Variants in CSMD1 observed in about 807,000 individuals in gnomAD.
CSMD1 encodes the protein CUB and Sushi multiple domains 1.
Under a neutral mutation model 417.5 loss-of-function variants are expected in CSMD1, and 213 were observed. That is an observed-to-expected ratio of 0.51 (90% CI 0.46 to 0.57). The LOEUF (loss-of-function observed/expected upper bound fraction) is 0.57. Among genes scored for constraint, CSMD1 ranks in the 20% least tolerant of loss-of-function variants. The probability of loss-of-function intolerance (pLI) is 0.00; values close to 1 mark genes in which losing one functional copy is unlikely to be tolerated. For synonymous variants in CSMD1, 2,862 were observed against 1,736.8 expected (o/e 1.65, Z -16.11); for missense variants, 6,923 against 4,529.7 (o/e 1.53, Z -15.17).
intron 10 of CSMD1, among the ~76,000 whole-genome samples, chr8:3,540,961 G>A (rs1350940665): frequency 2.0e-5 from 3 of 152,222 alleles, no homozygotes; most frequent in Non-Finnish European, 4.4e-5. Context: ...CATTGTGGAG[G>A]ACAGTGTGGT....
At chr8:4,061,752 T>G (rs777218938) in intron 3 of CSMD1, among the ~76,000 whole-genome samples, 1 of 152,190 alleles carries the variant, frequency 6.6e-6, no homozygotes, top group Non-Finnish European at 1.5e-5. Flanking sequence ...GTGAGTCACC[T>G]CTCTGCATGT....
chr8:3,414,582 G>C (rs73657862), intron 12 of CSMD1, among the ~76,000 whole-genome samples: 15,276 of 152,118 alleles, frequency 0.1, 953 homozygotes, highest in East Asian at 0.26. Context: ...AAACTCCAGT[G>C]CTAAGGATAA....
intron 3 of CSMD1, among the ~76,000 whole-genome samples, chr8:4,156,793 A>T (rs1796859388): frequency 6.6e-6 from 1 of 152,136 alleles, no homozygotes; most frequent in Non-Finnish European, 1.5e-5. Flanking sequence ...GAAGGGCCCA[A>T]ATTACAGATC....
chr8:4,880,841 A>G (rs1469204792), intron 1 of CSMD1, among the ~76,000 whole-genome samples: 1 of 152,112 alleles, frequency 6.6e-6, no homozygotes, highest in African/African-American at 2.4e-5. Context: ...TTGTCATGAA[A>G]GGTCCCTGAT....
At chr8:3,407,146 CATGG>C (rs1053958995) in intron 14 of CSMD1, among the ~76,000 whole-genome samples, 3 of 145,332 alleles carry the variant, frequency 2.1e-5, no homozygotes, top group African/African-American at 5.2e-5. Flanking sequence ...TGCATGCATG[CATGG>C]ATGGATGGAC....
chr8:3,132,057 G>T (rs1044939067), intron 41 of CSMD1, among the ~76,000 whole-genome samples: 1 of 152,054 alleles, frequency 6.6e-6, no homozygotes, highest in Non-Finnish European at 1.5e-5. Context: ...GCCACCTCTA[G>T]TGTAAGCCAG....
At chr8:4,862,019 A>C (rs1440380063) in intron 1 of CSMD1, among the ~76,000 whole-genome samples, 1 of 152,106 alleles carries the variant, frequency 6.6e-6, no homozygotes, top group Non-Finnish European at 1.5e-5. Flanking sequence ...TTTTGGAGTT[A>C]CTGAACAGGA....
At chr8:3,376,736 C>G (rs1423678103) in intron 18 of CSMD1, among the ~76,000 whole-genome samples, 1 of 152,072 alleles carries the variant, frequency 6.6e-6, no homozygotes, top group East Asian at 1.9e-4. Context: ...TGATGCTATG[C>G]ACCCAGCACA....
intron 17 of CSMD1, among the ~76,000 whole-genome samples, chr8:3,393,905 G>C (rs1056984213): frequency 2.7e-5 from 4 of 149,650 alleles, no homozygotes; most frequent in African/African-American, 9.8e-5. Context: ...GAGTTAATGG[G>C]TGCAGCACAC....
intron 5 of CSMD1, among the ~76,000 whole-genome samples, chr8:3,810,396 G>C (rs1323533116): frequency 6.6e-6 from 1 of 152,132 alleles, no homozygotes; most frequent in Non-Finnish European, 1.5e-5. Flanking sequence ...GACCCTTCAG[G>C]GAGAGCTAAG....
chr8:4,767,857 A>C (rs1453424714), intron 1 of CSMD1, among the ~76,000 whole-genome samples: 6 of 152,274 alleles, frequency 3.9e-5, no homozygotes, highest in African/African-American at 1.2e-4. Context: ...CCCTCTCCTG[A>C]GTGATGCTAC....
intron 3 of CSMD1, among the ~76,000 whole-genome samples, chr8:4,131,867 A>G (rs980503307): frequency 2.1e-5 from 3 of 139,906 alleles, no homozygotes; most frequent in African/African-American, 8.0e-5. Context: ...GGTTCACGCC[A>G]TTCTCCTGCC....
intron 1 of CSMD1, among the ~76,000 whole-genome samples, chr8:4,931,223 T>C (rs1157197427): frequency 6.6e-6 from 1 of 152,204 alleles, no homozygotes; most frequent in Non-Finnish European, 1.5e-5. Context: ...CTCCCCTTTT[T>C]TTAGAATATT....
intron 50 of CSMD1, among the ~76,000 whole-genome samples, chr8:3,046,625 C>CA (rs1187490614): frequency 3.9e-5 from 6 of 152,230 alleles, no homozygotes; most frequent in Non-Finnish European, 7.4e-5. Context: ...AGTGTACCCC[C>CA]AGGCAGGCCT....
chr8:3,824,252 C>CAAAAAAAA (rs200887302), intron 5 of CSMD1, among the ~76,000 whole-genome samples: 4 of 140,884 alleles, frequency 2.8e-5, no homozygotes, highest in Non-Finnish European at 6.3e-5. Context: ...AAACAAAAAC[C>CAAAAAAAA]AAAAAAAAAA....
intron 1 of CSMD1, among the ~76,000 whole-genome samples, chr8:4,902,508 G>C (rs1377768616): frequency 1.3e-5 from 2 of 151,600 alleles, no homozygotes; most frequent in African/African-American, 4.8e-5. Context: ...AGTTTGCAAA[G>C]CAAATGTCAA....
At chr8:3,204,161 G>C (rs1797126195) in intron 31 of CSMD1, among the ~76,000 whole-genome samples, 1 of 152,202 alleles carries the variant, frequency 6.6e-6, no homozygotes, top group Non-Finnish European at 1.5e-5. Flanking sequence ...GATAGGATGT[G>C]ATCGTTTGTG....
In CSMD1 at chr8:4,245,041, T is replaced by G. The variant is rs140735100; in HGVS notation, c.415+174912A>C. Among the ~76,000 whole-genome samples the G allele has an allele frequency of 1.1e-4, 16 of 152,286 alleles. No homozygotes were observed. In the East Asian group the frequency reaches 2.9e-3, roughly 28 times the overall value. On this transcript the variant is annotated intron_variant, in intron 3 of 69. Transcript: ENST00000635120. ...ACACATTTAAACTATAAAACCACCA[T>G]TCATTAGAAAATGTGTATTATAGCT...
At chr8:3,562,570 C>T (rs907693296) in intron 10 of CSMD1, among the ~76,000 whole-genome samples, 7 of 152,046 alleles carry the variant, frequency 4.6e-5, no homozygotes, top group African/African-American at 1.7e-4. Flanking sequence ...AAAACTCTCC[C>T]TTAATATGCT....
Sources: allele counts gnomAD v4.1 joint callset (sites outside exome capture counted in the v4.1 genomes callset), GRCh38; gene constraint gnomAD v4.1.1; transcripts MANE v1.5; gene names NCBI Gene and HGNC (gene_info 2026-07-23, HGNC 2026-07-21).